CSE1L: variants seen among roughly 807,000 people sequenced by gnomAD.
The protein encoded by CSE1L is exportin-2.
Under a neutral mutation model 120.4 loss-of-function variants are expected in CSE1L, and 24 were observed. The ratio of observed to expected loss-of-function variants is 0.20; its 90% confidence interval spans 0.14 to 0.28. CSE1L has a LOEUF of 0.28. CSE1L is among the 10% of genes least tolerant of loss of function. CSE1L has a pLI of 1.00. For synonymous variants in CSE1L, 402 were observed against 398.3 expected, an observed-to-expected ratio of 1.01 and a Z score of -0.11; for missense variants, 830 against 1,145.2, an observed-to-expected ratio of 0.72 and a Z score of 3.97.
intron 22 of CSE1L, among the ~76,000 whole-genome samples, chr20:49,093,490 A>G (rs1042870418): frequency 6.6e-6 from 1 of 151,816 alleles, no homozygotes. Context: ...TGGGAAGCTT[A>G]TAACCCAAAA....
intron 3 of CSE1L, among the ~76,000 whole-genome samples, chr20:49,065,639 G>A (rs1300514223): frequency 1.5e-5 from 2 of 129,370 alleles, no homozygotes; most frequent in Admixed American, 2.0e-4. Flanking sequence ...TGTTGCCCAG[G>A]CTGGAGTGCA....
At chr20:49,070,969 G>A (rs1461812808) in intron 8 of CSE1L, among the ~76,000 whole-genome samples, 1 of 152,044 alleles carries the variant, frequency 6.6e-6, no homozygotes, top group Non-Finnish European at 1.5e-5. Context: ...TCCACAGCTC[G>A]AGAAAGAGAG....
chr20:49,046,595 T>G (rs1229224410), intron 1 of CSE1L, among the ~76,000 whole-genome samples, 172 bp downstream of exon 1: 1 of 152,088 alleles, frequency 6.6e-6, no homozygotes, highest in African/African-American at 2.4e-5. Context: ...GTCTTCGGCT[T>G]CCCTAGGGAG....
intron 10 of CSE1L, among the ~76,000 whole-genome samples, chr20:49,074,562 C>T (rs2091956594): frequency 1.3e-5 from 2 of 152,156 alleles, no homozygotes; most frequent in Admixed American, 1.3e-4. Context: ...CACATTAGAA[C>T]AAGTGAGCCT....
intron 15 of CSE1L, among the ~76,000 whole-genome samples, chr20:49,084,748 T>TC (rs1177334941): frequency 6.6e-6 from 1 of 152,180 alleles, no homozygotes; most frequent in Non-Finnish European, 1.5e-5. Flanking sequence ...AGGCCACTAT[T>TC]CAACAGTATT....
intron 14 of CSE1L, among the ~76,000 whole-genome samples, chr20:49,083,560 C>T (rs777551002): frequency 8.5e-5 from 13 of 152,200 alleles, no homozygotes; most frequent in Non-Finnish European, 1.2e-4. Context: ...TGAACCACCA[C>T]ACCCAGGAGG....
intron 14 of CSE1L, among the ~76,000 whole-genome samples, chr20:49,081,709 T>G (rs1350011160): frequency 6.6e-6 from 1 of 152,182 alleles, no homozygotes; most frequent in Non-Finnish European, 1.5e-5. Context: ...GAACGTGTAG[T>G]TTTTCTTCTG....
Position 49,090,919 on chromosome 20 carries a change from T to C in CSE1L, c.2280-18T>C. 6.3e-7 allele frequency: 1 copy of C among 1,588,812 alleles called. No homozygotes were observed. The highest frequency in any genetic ancestry group is 1.1e-5 in the South Asian group (1 of 88,500). ...AAAAGTCCTAAATTTATATTGTTGA[T>C]TTTTTTTAATTCTTTAGTGAATCAG... On this transcript the variant is annotated intron_variant, in intron 20 of 24. Transcript: ENST00000262982.
chr20:49,074,659 G>C, intron 10 of CSE1L, 126 bp from the exon 11 acceptor site: 1 of 623,250 alleles, frequency 1.6e-6, no homozygotes, highest in Non-Finnish European at 2.7e-6. Flanking sequence ...ATATGAAGTA[G>C]TCATCTGATG....
chr20:49,068,535 C>T (rs1356394870), intron 6 of CSE1L, among the ~76,000 whole-genome samples, 180 bp from the exon 7 acceptor site: 1 of 152,122 alleles, frequency 6.6e-6, no homozygotes, highest in Non-Finnish European at 1.5e-5. Context: ...GGAGGTGGAG[C>T]TTGCAGCGAG....
chr20:49,055,644 T>C (rs1424152887), intron 1 of CSE1L, among the ~76,000 whole-genome samples: 3 of 152,126 alleles, frequency 2.0e-5, no homozygotes, highest in Non-Finnish European at 4.4e-5. Context: ...GCTTGAGCCC[T>C]GGAGGTTGAG....
At chr20:49,087,952 T>C in intron 16 of CSE1L, 57 bp from the exon 17 acceptor site, 1 of 1,204,674 alleles carries the variant, frequency 8.3e-7, no homozygotes, top group Non-Finnish European at 1.2e-6. Context: ...CCAGTCGCTC[T>C]CTTATTCTGA....
At chr20:49,056,361 C>T (rs1180292733) in intron 1 of CSE1L, among the ~76,000 whole-genome samples, 1 of 152,150 alleles carries the variant, frequency 6.6e-6, no homozygotes, top group African/African-American at 2.4e-5. Flanking sequence ...CCCTCAGCCT[C>T]CCAAAGTGCT....
intron 14 of CSE1L, among the ~76,000 whole-genome samples, chr20:49,080,258 T>A (rs886175420): frequency 1.7e-4 from 26 of 151,516 alleles, no homozygotes; most frequent in Non-Finnish European, 2.8e-4. Flanking sequence ...TTTGTTTTTT[T>A]TTATTTTTTT....
chr20:49,086,904 G>A (rs1447670455), intron 16 of CSE1L, among the ~76,000 whole-genome samples: 1 of 152,140 alleles, frequency 6.6e-6, no homozygotes, highest in South Asian at 2.1e-4. Flanking sequence ...CTAACCGAAC[G>A]TTAGGTGTGA....
chr20:49,096,506 G>C lies in CSE1L; in HGVS notation c.*68G>C. 1 of 1,161,764 alleles carries C rather than the reference G, an allele frequency of 8.6e-7. No homozygotes were observed. The highest frequency in any genetic ancestry group is 1.2e-5 in the South Asian group (1 of 80,236). The allele number at this position is 1,161,764 out of a possible 1,614,324, so 72.0% of individuals were successfully genotyped here. On this transcript the variant is annotated 3_prime_UTR_variant, in exon 25 of 25. Transcript: ENST00000262982. ...AAATCACAGGCTTCTGAGCACAGCT[G>C]CATTAAAACAAAGGAAGTTCTCCTT...
intron 5 of CSE1L, 32 bp from the exon 6 acceptor site, chr20:49,067,158 G>C (rs765012133): frequency 1.4e-6 from 2 of 1,385,920 alleles, no homozygotes; most frequent in Non-Finnish European, 2.0e-6. Context: ...AAAAAAACTT[G>C]TAAATTTATC....
At position 49,094,220 on chromosome 20, in the gene CSE1L, C is replaced by T. The variant is rs749686049; in HGVS notation, c.2528C>T (p.Ala843Val). 4 of 1,610,436 alleles carry T rather than the reference C, an allele frequency of 2.5e-6. No homozygotes were observed. Among genetic ancestry groups the T allele is most frequent in the South Asian group, 1.1e-5 (1 of 90,740 alleles). The change falls in exon 23 of 25, where the codon GCG becomes GTG. Residue 843 changes from alanine to valine, a missense_variant. By Grantham distance (64) the Ala-to-Val change is moderately conservative. This residue lies in a region of CSE1L where 112 missense variants were observed against 200.0 expected (regional missense o/e 0.56). Coordinates refer to ENST00000262982, the MANE Select transcript of CSE1L (RefSeq NM_001316.4). ...VSGNVEKKIC[A>V]VGITKLLTEC... ...GGAAATGTAGAGAAAAAGATCTGTG[C>T]GGTTGGCATAACCAAATTACTAACA...
rs1172169529 is a variant in CSE1L at position 49,068,826 on chromosome 20, A to G, written c.675+4A>G. The G allele has an allele frequency of 1.9e-6, 3 of 1,564,430 alleles. No individual in the cohort carries two copies. The highest frequency in any genetic ancestry group is 2.6e-6 in the Non-Finnish European group (3 of 1,134,830). On this transcript the variant is annotated splice_donor_region_variant and intron_variant, in intron 7 of 24. Transcript: ENST00000262982. ...GTTCTATAGTTTAAACTTTCAGGTA[A>G]GTTCATTTGATTTCTTGCTTTTGGT...
Sources: allele counts gnomAD v4.1 joint callset (sites outside exome capture counted in the v4.1 genomes callset), GRCh38; gene constraint gnomAD v4.1.1; regional missense constraint gnomAD v4.1.1; transcripts MANE v1.5; gene names NCBI Gene and HGNC (gene_info 2026-07-23, HGNC 2026-07-21).